Variants in RAB36 observed in about 807,000 individuals in gnomAD.
The protein encoded by RAB36 is RAB36, member RAS oncogene family.
A neutral mutation model predicts 39.3 loss-of-function variants in RAB36; 33 were observed. The observed-to-expected ratio is 0.84, with a 90% CI of 0.64 to 1.12. RAB36 has a LOEUF of 1.12. Among genes scored for constraint, RAB36 ranks in the 50% most tolerant of loss-of-function variants. The pLI is 0.00. For synonymous variants in RAB36, 133 were observed against 140.2 expected, an observed-to-expected ratio of 0.95 and a Z score of 0.36; for missense variants, 308 against 355.3, an observed-to-expected ratio of 0.87 and a Z score of 1.07.
chr22:23,161,673 C>A lies in RAB36; in HGVS notation c.*109C>A. 1 of 986,478 alleles carries A rather than the reference C, an allele frequency of 1.0e-6. No homozygotes were observed. Among genetic ancestry groups the A allele is most frequent in the Non-Finnish European group, 1.5e-6 (1 of 671,378 alleles). 61.1% of individuals were successfully genotyped at this position (986,478 alleles called of 1,614,324 possible). A position where few individuals can be genotyped will look rare whatever the true frequency, so the allele number is the denominator to read the frequency against. Reference sequence around the variant, plus strand: ...AGCTCTGCAGCGTGTCGCCCTCAAGCTGTAGGCCCATGTTCCAGTCCCTCC... The same window carrying A: ...AGCTCTGCAGCGTGTCGCCCTCAAGATGTAGGCCCATGTTCCAGTCCCTCC... On this transcript the variant is annotated 3_prime_UTR_variant, in exon 11 of 11. Transcript: ENST00000263116.
intron 2 of RAB36, among the ~76,000 whole-genome samples, chr22:23,149,819 A>G (rs2070999404): frequency 6.6e-6 from 1 of 152,250 alleles, no homozygotes; most frequent in African/African-American, 2.4e-5. Context: ...CTGCGGCCCC[A>G]GGTGAGACAC....
At chr22:23,158,366 A>T (rs756633) in intron 7 of RAB36, among the ~76,000 whole-genome samples, 77,045 of 152,122 alleles carry the variant, frequency 0.51, 19,680 homozygotes, top group East Asian at 0.65. Flanking sequence ...GAGGTGCCCC[A>T]CGTGTTCAGT....
chr22:23,148,426 A>G (rs1267731726), intron 2 of RAB36, among the ~76,000 whole-genome samples: 1 of 152,214 alleles, frequency 6.6e-6, no homozygotes, highest in East Asian at 1.9e-4. Context: ...GGCGAGGATC[A>G]GAGTTAAGGA....
chr22:23,155,330 T>G (rs2071393440), intron 5 of RAB36, among the ~76,000 whole-genome samples: 1 of 152,146 alleles, frequency 6.6e-6, no homozygotes. Flanking sequence ...TTTCCCCTCT[T>G]CTAGACTGTG....
chr22:23,147,720 A>G (rs1202963544), intron 2 of RAB36, among the ~76,000 whole-genome samples: 1 of 152,198 alleles, frequency 6.6e-6, no homozygotes, highest in African/African-American at 2.4e-5. Flanking sequence ...AGCAGTTTGT[A>G]AGAATAGAAG....
intron 5 of RAB36, among the ~76,000 whole-genome samples, chr22:23,154,495 G>T (rs867498332): frequency 7.9e-5 from 12 of 152,248 alleles, no homozygotes; most frequent in African/African-American, 2.9e-4. Flanking sequence ...GGGAGAGAAC[G>T]CAGGGCTGCA....
At chr22:23,148,034 C>T (rs932032052) in intron 2 of RAB36, among the ~76,000 whole-genome samples, 1 of 152,084 alleles carries the variant, frequency 6.6e-6, no homozygotes, top group African/African-American at 2.4e-5. Context: ...CGGACAGGTG[C>T]AGAGGGATAG....
chr22:23,153,722 A>C, intron 5 of RAB36: 4 of 759,772 alleles, frequency 5.3e-6, no homozygotes, highest in Non-Finnish European at 6.2e-6. Context: ...TTTGAGACAG[A>C]GTCTTGCTCT....
intron 5 of RAB36, chr22:23,153,482 G>C (rs2071279915): frequency 1.8e-5 from 14 of 792,644 alleles, no homozygotes; most frequent in Non-Finnish European, 2.1e-5. Flanking sequence ...CAGCAGGGTG[G>C]CCTCCCGCAG....
In RAB36 at chr22:23,146,705, G is replaced by A; in HGVS notation, c.69+20G>A. ...CCTAAGGTAGAGAGTCATTACGTCTGCAGTGCTCTCCTGGCCCTGCAGCCA... is the reference window on the plus strand; with the variant it reads ...CCTAAGGTAGAGAGTCATTACGTCTACAGTGCTCTCCTGGCCCTGCAGCCA... On this transcript the variant is annotated intron_variant, in intron 2 of 10. Coordinates refer to ENST00000263116, the MANE Select transcript of RAB36 (RefSeq NM_004914.5). The A allele has an allele frequency of 1.2e-6, 2 of 1,612,636 alleles. No homozygotes were observed. The highest frequency in any genetic ancestry group is 1.7e-6 in the Non-Finnish European group (2 of 1,179,200).
intron 3 of RAB36, 92 bp downstream of exon 3, chr22:23,150,246 A>G (rs2071031663): frequency 9.7e-7 from 1 of 1,030,474 alleles, no homozygotes; most frequent in Non-Finnish European, 1.5e-6. Context: ...AAACACACAC[A>G]CGAGGCTGGT....
downstream of RAB36, among the ~76,000 whole-genome samples, chr22:23,165,937 G>GAGAT (rs1253240286): frequency 1.8e-4 from 27 of 152,186 alleles, no homozygotes; most frequent in East Asian, 4.3e-3. Flanking sequence ...ACGAGGTCAG[G>GAGAT]AGATAGAGAC....
chr22:23,152,937 G>A (rs1485793239), intron 4 of RAB36, 96 bp from the exon 5 acceptor site: 1 of 869,182 alleles, frequency 1.2e-6, no homozygotes, highest in Non-Finnish European at 1.9e-6. Context: ...ATGGGAAGTG[G>A]ACCTTATTTG....
At position 23,160,546 on chromosome 22, in the gene RAB36, C is replaced by T. The variant is rs150886166; in HGVS notation, c.620-333C>T. ...TATCTGTCCTGAGTTCCACATCTTC[C>T]AACACTTGGGCCATAGTAGCATCTG... is the stretch of plus-strand genomic sequence containing the variant. On this transcript the variant is annotated intron_variant, in intron 9 of 10. Transcript: ENST00000263116. 2.4e-4 allele frequency among the ~76,000 whole-genome samples: 36 copies of T among 152,322 alleles called. No homozygotes were observed. The East Asian group carries it at 6.9e-3, about 29-fold the overall frequency.
chr22:23,159,225 C>G lies in RAB36; in HGVS notation c.591C>G (p.Ala197=), dbSNP rs777404591. 6.2e-7 allele frequency: 1 copy of G among 1,603,442 alleles called. No individual in the cohort carries two copies. Among genetic ancestry groups the G allele is most frequent in the Non-Finnish European group, 8.5e-7 (1 of 1,175,422 alleles). The change falls in exon 9 of 11, where the codon GCC becomes GCG. Residue 197 remains alanine (A), a synonymous_variant. Transcript: ENST00000263116. ...TGCACCTGGCCAGGGAGATGCAGGC[C>G]GAGTACTGGTCAGTGTCGGCCAAGA... The part of the protein sequence containing the change: ...DAVHLAREMQ[A]EYWSVSAKTG...
At chr22:23,147,272 G>C (rs1404113143) in intron 2 of RAB36, among the ~76,000 whole-genome samples, 1 of 152,152 alleles carries the variant, frequency 6.6e-6, no homozygotes, top group Non-Finnish European at 1.5e-5. Context: ...ATAGGGGGCA[G>C]TGGACAATAT....
At chr22:23,166,165 A>AAT (rs2072048155), downstream of RAB36, among the ~76,000 whole-genome samples, 1 of 149,542 alleles carries the variant, frequency 6.7e-6, no homozygotes, top group Non-Finnish European at 1.5e-5. Flanking sequence ...AAAAAAAAAA[A>AAT]AAAAAAAAAA....
At chr22:23,150,206 G>T in intron 3 of RAB36, 52 bp downstream of exon 3, 1 of 1,387,872 alleles carries the variant, frequency 7.2e-7, no homozygotes, top group East Asian at 2.4e-5. Flanking sequence ...AGGAATGAGT[G>T]CATGAAGCAC....
At chr22:23,157,625 C>G (rs1417158624) in intron 6 of RAB36, among the ~76,000 whole-genome samples, 1 of 152,196 alleles carries the variant, frequency 6.6e-6, no homozygotes, top group East Asian at 1.9e-4. Flanking sequence ...CTACAGGTCT[C>G]GTCCTCGCCA....
Sources: allele counts gnomAD v4.1 joint callset (sites outside exome capture counted in the v4.1 genomes callset), GRCh38; gene constraint gnomAD v4.1.1; transcripts MANE v1.5; gene names NCBI Gene and HGNC (gene_info 2026-07-23, HGNC 2026-07-21).